The following FAM98B variants were observed in gnomAD, a reference collection of about 807,000 sequenced individuals.
FAM98B encodes tRNA splicing ligase complex subunit 3B.
Under a neutral mutation model 43.9 loss-of-function variants are expected in FAM98B, and 32 were observed. The observed-to-expected ratio is 0.73, with a 90% CI of 0.55 to 0.98. FAM98B has a LOEUF of 0.98. FAM98B is among the 50% of genes least tolerant of loss of function. The pLI is 0.00. For missense variants in FAM98B, 514 were observed against 522.9 expected (o/e 0.98, Z 0.17); for synonymous variants, 190 against 174.0 (o/e 1.09, Z -0.72).
At chr15:38,463,430 G>T (rs1445368025) in intron 1 of FAM98B, among the ~76,000 whole-genome samples, 1 of 151,616 alleles carries the variant, frequency 6.6e-6, no homozygotes, top group African/African-American at 2.4e-5. Context: ...GGTGGAGGTT[G>T]CAGTGAGCCA....
At chr15:38,478,873 AT>A (rs1890243839) in intron 6 of FAM98B, among the ~76,000 whole-genome samples, 1 of 152,140 alleles carries the variant, frequency 6.6e-6, no homozygotes, top group Non-Finnish European at 1.5e-5. Flanking sequence ...TATTGTAACC[AT>A]TTTCCAATAT....
chr15:38,455,124 T>G (rs1330597056), intron 1 of FAM98B, among the ~76,000 whole-genome samples: 1 of 152,206 alleles, frequency 6.6e-6, no homozygotes, highest in African/African-American at 2.4e-5. Flanking sequence ...AACTGATGCT[T>G]TGCATATTTT....
intron 1 of FAM98B, among the ~76,000 whole-genome samples, chr15:38,461,429 TTAA>T (rs1160099788): frequency 6.6e-6 from 1 of 152,156 alleles, no homozygotes; most frequent in African/African-American, 2.4e-5. Flanking sequence ...AAGACCTATG[TTAA>T]TGATGGAGCA....
At position 38,474,269 on chromosome 15, in the gene FAM98B, C is replaced by T. The variant is rs201530859; in HGVS notation, c.700C>T (p.Gln234Ter). ...MLMKRLDVTV[Q>*]SFGWSDRAKV... ...AATGAAACGATTAGATGTGACTGTA[C>T]AGTCCTTTGGATGGTCTGATAGAGC... Residue 234 changes from glutamine (Q) to a stop codon, truncating the protein, a stop_gained, in exon 6 of 8, where the codon CAG becomes TAG. Transcript: ENST00000397609. LOFTEE classifies it high-confidence loss of function. The T allele has an allele frequency of 1.2e-6, 2 of 1,613,364 alleles. No homozygotes were observed. Among genetic ancestry groups the T allele is most frequent in the Non-Finnish European group, 1.7e-6 (2 of 1,179,576 alleles).
chr15:38,486,576 A>G lies in FAM98B; in HGVS notation c.*1917A>G, dbSNP rs1215652445. 2 of 152,160 alleles carry G rather than the reference A, an allele frequency of 1.3e-5. No homozygotes were observed. The highest frequency in any genetic ancestry group is 2.4e-5 in the African/African-American group (1 of 41,458). 9.4% of individuals were successfully genotyped at this position (152,160 alleles called of 1,614,324 possible). On this transcript the variant is annotated 3_prime_UTR_variant, in exon 8 of 8. Transcript: ENST00000397609. ...CCATAAGATTTCTTTGTACCTTTAT[A>G]GGAGTGCTGCTTGGGTTATTCACTA... is the stretch of plus-strand genomic sequence containing the variant.
At chr15:38,467,869 G>A (rs1890062513) in intron 3 of FAM98B, among the ~76,000 whole-genome samples, 1 of 152,204 alleles carries the variant, frequency 6.6e-6, no homozygotes, top group African/African-American at 2.4e-5. Flanking sequence ...TCTAAGATAT[G>A]TTGGTAAATA....
At chr15:38,482,159 A>T (rs1890295908) in intron 7 of FAM98B, 1 of 152,786 alleles carries the variant, frequency 6.5e-6, no homozygotes, top group Non-Finnish European at 1.5e-5. Flanking sequence ...ATCGCTTCTC[A>T]CTCAGTGTAA....
At chr15:38,459,010 C>T (rs1019131729) in intron 1 of FAM98B, 23 of 345,368 alleles carry the variant, frequency 6.7e-5, no homozygotes, top group Non-Finnish European at 9.4e-5. Flanking sequence ...TAGGTGAGCC[C>T]GGAACACCCC....
chr15:38,462,784 A>G (rs1889969729), intron 1 of FAM98B, among the ~76,000 whole-genome samples: 1 of 152,264 alleles, frequency 6.6e-6, no homozygotes, highest in Non-Finnish European at 1.5e-5. Context: ...AAAAAGGCAT[A>G]GAAACAGTGA....
intron 7 of FAM98B, chr15:38,481,837 T>G (rs1890291899): frequency 2.6e-6 from 1 of 377,440 alleles, no homozygotes; most frequent in African/African-American, 2.0e-5. Context: ...TGCTTTAGAG[T>G]CAGACCAATC....
intron 6 of FAM98B, among the ~76,000 whole-genome samples, chr15:38,477,796 T>A (rs1275409860): frequency 6.6e-6 from 1 of 152,200 alleles, no homozygotes; most frequent in Non-Finnish European, 1.5e-5. Flanking sequence ...ACTCCAGGGA[T>A]GTCTGTGTAT....
intron 3 of FAM98B, among the ~76,000 whole-genome samples, chr15:38,468,818 GA>G (rs755359232): frequency 1.2e-4 from 18 of 152,244 alleles, no homozygotes; most frequent in Non-Finnish European, 2.2e-4. Context: ...TTGTTTTTCA[GA>G]TGTATTTTTG....
chr15:38,469,097 G>A (rs774773639), intron 3 of FAM98B, among the ~76,000 whole-genome samples: 26 of 151,916 alleles, frequency 1.7e-4, no homozygotes, highest in South Asian at 4.2e-4. Context: ...GTAGAGTCGG[G>A]GTTTCACCAT....
In FAM98B at chr15:38,470,326, A is replaced by G. The variant is rs1024316533; in HGVS notation, c.452A>G (p.Gln151Arg). The G allele has an allele frequency of 9.3e-6, 15 of 1,608,062 alleles. No individual in the cohort carries two copies. The highest frequency in any genetic ancestry group is 1.3e-5 in the Non-Finnish European group (15 of 1,178,160). ...DKNSEVYQEVQAMFDTLGIPK... is the reference protein window; with the variant it reads ...DKNSEVYQEVRAMFDTLGIPK... ...AATAGTGAAGTTTATCAGGAAGTTC[A>G]AGCTATGTTTGATACACTTGGTATA... The change falls in exon 4 of 8, where the codon CAA (glutamine) becomes CGA (arginine). Residue 151 changes from glutamine (Q) to arginine (R), a missense_variant. By Grantham distance (43) the Gln-to-Arg change is conservative. Coordinates refer to ENST00000397609, the MANE Select transcript of FAM98B (RefSeq NM_173611.4).
intron 1 of FAM98B, chr15:38,459,073 T>C: frequency 2.9e-6 from 1 of 341,522 alleles, no homozygotes. Context: ...AGGTTGGCAG[T>C]GAAGGGAACA....
chr15:38,470,155 A>G, intron 3 of FAM98B, 72 bp from the exon 4 acceptor site: 1 of 1,226,494 alleles, frequency 8.2e-7, no homozygotes, highest in Middle Eastern at 2.9e-4. Flanking sequence ...GTTTTAAGTG[A>G]ATAATTTCAG....
chr15:38,455,437 C>CT (rs138505347), intron 1 of FAM98B, among the ~76,000 whole-genome samples: 6,490 of 152,320 alleles, frequency 0.043, 201 homozygotes, highest in South Asian at 0.068. Context: ...ATTTGCCCCT[C>CT]TATCAATTGT....
intron 1 of FAM98B, among the ~76,000 whole-genome samples, chr15:38,461,140 T>TA (rs931470476): frequency 6.6e-6 from 1 of 152,172 alleles, no homozygotes; most frequent in African/African-American, 2.4e-5. Flanking sequence ...ACATTTCAGT[T>TA]AAAAAAACTT....
chr15:38,458,882 G>T, intron 1 of FAM98B: 1 of 448,552 alleles, frequency 2.2e-6, no homozygotes, highest in Non-Finnish European at 4.4e-6. Context: ...TGCATTCTCT[G>T]GGTGGAAGAT....
Sources: gnomAD v4.1 joint callset for allele counts (sites outside exome capture counted in the v4.1 genomes callset) on GRCh38, gnomAD v4.1.1 for gene constraint, MANE v1.5 for transcripts, NCBI Gene and HGNC (gene_info 2026-07-23, HGNC 2026-07-21) for gene names.